ROBO2: variants seen among roughly 807,000 people sequenced by gnomAD.
ROBO2 encodes the protein roundabout homolog 2.
Under a neutral mutation model 160.8 loss-of-function variants are expected in ROBO2, and 53 were observed. The observed-to-expected ratio is 0.33, with a 90% CI of 0.26 to 0.41. The LOEUF (loss-of-function observed/expected upper bound fraction) is 0.41. Among genes scored for constraint, ROBO2 ranks in the 10% least tolerant of loss-of-function variants. The pLI is 1.00. For synonymous variants in ROBO2, 664 were observed against 611.7 expected, an observed-to-expected ratio of 1.09 and a Z score of -1.26; for missense variants, 1,577 against 1,722.4, an observed-to-expected ratio of 0.92 and a Z score of 1.49.
chr3:77,222,555 T>C (rs774925046), intron 2 of ROBO2, among the ~76,000 whole-genome samples: 1 of 152,206 alleles, frequency 6.6e-6, no homozygotes, highest in Non-Finnish European at 1.5e-5. Context: ...GCAAAGTAGA[T>C]TCTGTTTTCC....
chr3:76,740,881 A>C (rs1366989067), intron 2 of ROBO2, among the ~76,000 whole-genome samples: 2 of 152,092 alleles, frequency 1.3e-5, no homozygotes, highest in African/African-American at 4.8e-5. Flanking sequence ...GCATGAGCAA[A>C]AATAGTTATT....
chr3:76,018,708 G>C (rs192030039), intron 2 of ROBO2, among the ~76,000 whole-genome samples: 2 of 151,752 alleles, frequency 1.3e-5, no homozygotes, highest in Admixed American at 1.3e-4. Flanking sequence ...TTGCATTATG[G>C]CCTCCCCACA....
intron 2 of ROBO2, among the ~76,000 whole-genome samples, chr3:76,861,216 A>C (rs750429280): frequency 5.3e-5 from 8 of 152,198 alleles, no homozygotes; most frequent in Admixed American, 1.3e-4. Context: ...GGGCAAGGGC[A>C]CTGGAACTCA....
intron 2 of ROBO2, among the ~76,000 whole-genome samples, chr3:76,946,094 A>G (rs550021260): frequency 6.6e-6 from 1 of 152,294 alleles, no homozygotes; most frequent in Non-Finnish European, 1.5e-5. Context: ...ATAACTTGCT[A>G]CTTTTTGGTC....
chr3:76,272,786 TA>T (rs369663823), intron 2 of ROBO2, among the ~76,000 whole-genome samples: 6,742 of 27,086 alleles, frequency 0.25, 1,198 homozygotes, highest in East Asian at 0.64. Flanking sequence ...ATAAAATATA[TA>T]AAATATATAT....
intron 2 of ROBO2, among the ~76,000 whole-genome samples, chr3:76,143,736 T>C (rs900404680): frequency 1.5e-4 from 23 of 151,974 alleles, no homozygotes; most frequent in African/African-American, 5.6e-4. Flanking sequence ...AAGAGATGGA[T>C]TATCAATACA....
chr3:77,584,805 A>G lies in ROBO2; in HGVS notation c.2501-3946A>G, dbSNP rs575561024. ...AGAAAGAAATACAGGTATACCAAAA[A>G]GGATTTAACTTACATGTGTGTGTAT... On this transcript the variant is annotated intron_variant, in intron 16 of 25. Coordinates refer to ENST00000461745, the Ensembl canonical transcript of ROBO2. Among the ~76,000 whole-genome samples the G allele has an allele frequency of 4.3e-4, 66 of 151,912 alleles. 1 individual carries two copies. Among genetic ancestry groups the G allele is most frequent in the African/African-American group, 1.5e-3 (62 of 41,524 alleles).
At chr3:76,569,685 G>C (rs1562500) in intron 2 of ROBO2, among the ~76,000 whole-genome samples, 140,217 of 152,220 alleles carry the variant, frequency 0.92, 64,938 homozygotes, top group East Asian at 1. Context: ...AGGTAACATA[G>C]TCAACTCAAA....
intron 2 of ROBO2, among the ~76,000 whole-genome samples, chr3:75,972,825 C>A (rs1241319787): frequency 1.7e-4 from 26 of 151,594 alleles, no homozygotes. Context: ...TGTGGACAAA[C>A]AACCTAAGTC....
At chr3:77,365,649 G>A (rs2070750342) in intron 2 of ROBO2, among the ~76,000 whole-genome samples, 1 of 152,106 alleles carries the variant, frequency 6.6e-6, no homozygotes, top group Non-Finnish European at 1.5e-5. Flanking sequence ...AGAAGACTTA[G>A]GTGTAGAAAG....
At chr3:76,820,133 G>T (rs563460936) in intron 2 of ROBO2, among the ~76,000 whole-genome samples, 6 of 152,104 alleles carry the variant, frequency 3.9e-5, no homozygotes, top group Admixed American at 3.3e-4. Context: ...TTTGTTTCAT[G>T]TACACATTTT....
chr3:76,806,647 A>G (rs1253966264), intron 2 of ROBO2, among the ~76,000 whole-genome samples: 1 of 152,040 alleles, frequency 6.6e-6, no homozygotes, highest in Non-Finnish European at 1.5e-5. Flanking sequence ...ATTTAAAACT[A>G]TGCAACAGAA....
intron 2 of ROBO2, among the ~76,000 whole-genome samples, chr3:77,016,101 C>G (rs937038759): frequency 6.6e-6 from 1 of 151,980 alleles, no homozygotes; most frequent in African/African-American, 2.4e-5. Flanking sequence ...CTCAGCCTCC[C>G]GAGTAGCTGG....
chr3:76,759,761 T>C (rs909910614), intron 2 of ROBO2, among the ~76,000 whole-genome samples: 3 of 151,822 alleles, frequency 2.0e-5, no homozygotes, highest in Non-Finnish European at 2.9e-5. Flanking sequence ...AGTTGATCTT[T>C]GTGGTAACTA....
chr3:77,226,132 C>G (rs548905223), intron 2 of ROBO2, among the ~76,000 whole-genome samples: 3 of 152,056 alleles, frequency 2.0e-5, no homozygotes, highest in Admixed American at 6.5e-5. Context: ...GTTATACCCA[C>G]AAAACATTGA....
intron 2 of ROBO2, among the ~76,000 whole-genome samples, chr3:76,359,543 T>C (rs2075381671): frequency 6.6e-6 from 1 of 152,184 alleles, no homozygotes; most frequent in Admixed American, 6.6e-5. Context: ...TGTGATCCTT[T>C]ACCTCCTGTT....
chr3:76,865,757 A>T (rs2071303083), intron 2 of ROBO2, among the ~76,000 whole-genome samples: 1 of 152,108 alleles, frequency 6.6e-6, no homozygotes, highest in Admixed American at 6.6e-5. Flanking sequence ...TCAAAGTTGT[A>T]AGGAATATCC....
intron 2 of ROBO2, among the ~76,000 whole-genome samples, chr3:77,287,253 G>A (rs749686261): frequency 1.3e-5 from 2 of 151,660 alleles, no homozygotes; most frequent in Non-Finnish European, 2.9e-5. Flanking sequence ...TTGTGCCCTT[G>A]CAAAAAAATC....
chr3:77,341,571 A>G (rs1489212633), intron 2 of ROBO2, among the ~76,000 whole-genome samples: 1 of 152,138 alleles, frequency 6.6e-6, no homozygotes, highest in Admixed American at 6.6e-5. Context: ...TGAAGCAGCA[A>G]CATGTTGTAT....
Sources: gnomAD v4.1 joint callset for allele counts (sites outside exome capture counted in the v4.1 genomes callset) on GRCh38, gnomAD v4.1.1 for gene constraint, MANE v1.5 for transcripts, NCBI Gene and HGNC (gene_info 2026-07-23, HGNC 2026-07-21) for gene names.